RBFOX1: variants seen among roughly 807,000 people sequenced by gnomAD.
The protein encoded by RBFOX1 is RNA binding fox-1 homolog 1.
RBFOX1 carries 8 observed loss-of-function variants against 57.7 expected under a neutral mutation model. That is an observed-to-expected ratio of 0.14 (90% CI 0.08 to 0.25). RBFOX1 has a LOEUF of 0.25. Among genes scored for constraint, RBFOX1 ranks in the 10% least tolerant of loss-of-function variants. The pLI is 1.00. For missense variants in RBFOX1, 611 were observed against 548.5 expected, an observed-to-expected ratio of 1.11 and a Z score of -1.14; for synonymous variants, 326 against 222.4, an observed-to-expected ratio of 1.47 and a Z score of -4.15.
intron 3 of RBFOX1, among the ~76,000 whole-genome samples, chr16:6,668,228 C>A (rs1285465135): frequency 2.0e-5 from 3 of 152,140 alleles, no homozygotes; most frequent in Non-Finnish European, 2.9e-5. Flanking sequence ...TGTGGCGGCA[C>A]AGAACACCTT....
chr16:6,954,224 G>A (rs2081316113), intron 3 of RBFOX1, among the ~76,000 whole-genome samples: 1 of 151,300 alleles, frequency 6.6e-6, no homozygotes, highest in Non-Finnish European at 1.5e-5. Flanking sequence ...GCAAATCAAC[G>A]GGGTGTTGAT....
intron 2 of RBFOX1, among the ~76,000 whole-genome samples, chr16:6,412,989 T>C (rs1248834668): frequency 1.3e-5 from 2 of 152,210 alleles, no homozygotes; most frequent in African/African-American, 4.8e-5. Flanking sequence ...TTTAATATTA[T>C]TGAGAAAAAT....
chr16:6,679,905 T>TTTTC (rs1243331086), intron 3 of RBFOX1, among the ~76,000 whole-genome samples: 3 of 123,052 alleles, frequency 2.4e-5, no homozygotes, highest in Non-Finnish European at 5.2e-5. Context: ...TTTTTTTTTT[T>TTTTC]CATACTTTTC....
chr16:5,295,240 C>A (rs566810718), intron 1 of RBFOX1, among the ~76,000 whole-genome samples: 1 of 152,160 alleles, frequency 6.6e-6, no homozygotes, highest in South Asian at 2.1e-4. Flanking sequence ...GGACAGGTCT[C>A]CCTGGGGAGA....
chr16:6,232,831 C>A (rs763445412), intron 1 of RBFOX1, among the ~76,000 whole-genome samples: 1 of 152,072 alleles, frequency 6.6e-6, no homozygotes, highest in African/African-American at 2.4e-5. Context: ...AAGCTGGGTC[C>A]CTATGTGTTT....
chr16:6,731,829 G>C (rs2192349), intron 3 of RBFOX1, among the ~76,000 whole-genome samples: 137,825 of 152,118 alleles, frequency 0.91, 64,057 homozygotes, highest in East Asian at 1. Flanking sequence ...AATGAACAAC[G>C]TTTTCTAAAA....
intron 3 of RBFOX1, among the ~76,000 whole-genome samples, chr16:6,946,544 T>C (rs1361304730): frequency 6.6e-6 from 1 of 152,206 alleles, no homozygotes; most frequent in Non-Finnish European, 1.5e-5. Context: ...AAGAACCTTC[T>C]TTCATAAAAG....
At chr16:6,756,883 G>C (rs1044913981) in intron 3 of RBFOX1, among the ~76,000 whole-genome samples, 1 of 152,234 alleles carries the variant, frequency 6.6e-6, no homozygotes, top group South Asian at 2.1e-4. Flanking sequence ...GCTGAGGCAG[G>C]AGAATTGCTT....
intron 3 of RBFOX1, among the ~76,000 whole-genome samples, chr16:5,750,037 C>T (rs754380598): frequency 1.1e-4 from 17 of 152,048 alleles, no homozygotes; most frequent in African/African-American, 3.6e-4. Context: ...TGTACAGATG[C>T]GGTTTTGGTG....
At chr16:6,309,490 G>A (rs1286454735) in intron 1 of RBFOX1, among the ~76,000 whole-genome samples, 1 of 152,192 alleles carries the variant, frequency 6.6e-6, no homozygotes, top group East Asian at 1.9e-4. Flanking sequence ...AATTATTGCT[G>A]ACAGGGAAGC....
chr16:6,746,187 C>T (rs908715354), intron 3 of RBFOX1, among the ~76,000 whole-genome samples: 3 of 151,894 alleles, frequency 2.0e-5, no homozygotes, highest in Admixed American at 2.0e-4. Flanking sequence ...CTTAGTCTCC[C>T]CTAATTGATC....
At chr16:6,888,528 T>G (rs2064674999) in intron 3 of RBFOX1, among the ~76,000 whole-genome samples, 1 of 152,184 alleles carries the variant, frequency 6.6e-6, no homozygotes, top group Non-Finnish European at 1.5e-5. Flanking sequence ...CCGAGAAATT[T>G]TATCTCCACA....
chr16:6,947,985 G>T (rs550872999), intron 3 of RBFOX1, among the ~76,000 whole-genome samples: 38 of 152,064 alleles, frequency 2.5e-4, no homozygotes, highest in Non-Finnish European at 4.7e-4. Flanking sequence ...TATCACGTTT[G>T]CCAGGTTGGT....
At chr16:6,200,661 G>A (rs943023162) in intron 1 of RBFOX1, among the ~76,000 whole-genome samples, 4 of 152,126 alleles carry the variant, frequency 2.6e-5, no homozygotes. Context: ...AAATACTACA[G>A]GAGAGATAAC....
intron 2 of RBFOX1, among the ~76,000 whole-genome samples, chr16:6,378,556 G>C (rs1305963661): frequency 1.3e-5 from 2 of 152,150 alleles, no homozygotes; most frequent in Non-Finnish European, 2.9e-5. Context: ...TGGAGTGGGA[G>C]TGTGCACATG....
At chr16:7,085,241 G>A (rs2059812986) in intron 4 of RBFOX1, among the ~76,000 whole-genome samples, 1 of 152,034 alleles carries the variant, frequency 6.6e-6, no homozygotes, top group Non-Finnish European at 1.5e-5. Flanking sequence ...ATGGATTGAT[G>A]CAAACTAGAG....
chr16:7,014,167 C>CTT (rs1324397639), intron 3 of RBFOX1, among the ~76,000 whole-genome samples: 1 of 151,988 alleles, frequency 6.6e-6, no homozygotes, highest in East Asian at 1.9e-4. Context: ...GGTGCTGAAA[C>CTT]TTTGACAAAT....
chr16:6,848,291 G>C (rs2093873973), intron 3 of RBFOX1, among the ~76,000 whole-genome samples: 1 of 152,014 alleles, frequency 6.6e-6, no homozygotes, highest in African/African-American at 2.4e-5. Context: ...TGGGAAGGTG[G>C]GCATAGTATG....
intron 4 of RBFOX1, among the ~76,000 whole-genome samples, chr16:5,996,868 G>T (rs543916096): frequency 6.6e-6 from 1 of 152,030 alleles, no homozygotes; most frequent in Non-Finnish European, 1.5e-5. Flanking sequence ...ACCCACTGTT[G>T]TAAAGAAACC....
Sources: gnomAD v4.1 joint callset for allele counts (sites outside exome capture counted in the v4.1 genomes callset) on GRCh38, gnomAD v4.1.1 for gene constraint, MANE v1.5 for transcripts, NCBI Gene and HGNC (gene_info 2026-07-23, HGNC 2026-07-21) for gene names.